The following ASAP1 variants were observed in gnomAD, a reference collection of about 807,000 sequenced individuals.
ASAP1 encodes ArfGAP with SH3 domain, ankyrin repeat and PH domain 1.
ASAP1 carries 43 observed loss-of-function variants against 145.2 expected under a neutral mutation model. That is an observed-to-expected ratio of 0.30 (90% CI 0.23 to 0.38). The LOEUF (loss-of-function observed/expected upper bound fraction) is 0.38. Among genes scored for constraint, ASAP1 ranks in the 10% least tolerant of loss-of-function variants. ASAP1 has a pLI of 1.00. For missense variants in ASAP1, 1,018 were observed against 1,355.3 expected, an observed-to-expected ratio of 0.75 and a Z score of 3.91; for synonymous variants, 546 against 515.5, an observed-to-expected ratio of 1.06 and a Z score of -0.80.
rs59778799 is a variant in ASAP1 at position 130,101,732 on chromosome 8, A to ATTTTTTTTTTTTTTTTTTTTTTTTTTTT, written c.2402-9590_2402-9589insAAAAAAAAAAAAAAAAAAAAAAAAAAAA. ...AGGCATGTGCTACCACACCTGGTTA[A>ATTTTTTTTTTTTTTTTTTTTTTTTTTTT]TTTTTTTTTTTTTTTTTTTTGCAGA... On this transcript the variant is annotated intron_variant, in intron 24 of 29. Coordinates refer to ENST00000518721, the MANE Select transcript of ASAP1 (RefSeq NM_018482.4). Among the ~76,000 whole-genome samples the ATTTTTTTTTTTTTTTTTTTTTTTTTTTT allele has an allele frequency of 1.8e-4, 16 of 86,924 alleles. 1 individual carries two copies. Among genetic ancestry groups the ATTTTTTTTTTTTTTTTTTTTTTTTTTTT allele is most frequent in the African/African-American group, 6.1e-4 (11 of 18,090 alleles). The allele number at this position is 86,924 out of a possible 152,430, so 57.0% of individuals were successfully genotyped here.
chr8:130,354,187 GC>G (rs771460206), intron 3 of ASAP1, among the ~76,000 whole-genome samples: 1 of 152,140 alleles, frequency 6.6e-6, no homozygotes, highest in Non-Finnish European at 1.5e-5. Context: ...ACCGCGCCCA[GC>G]CGGGAGGGAG....
At chr8:130,094,597 T>C (rs1443933830) in intron 24 of ASAP1, among the ~76,000 whole-genome samples, 2 of 152,134 alleles carry the variant, frequency 1.3e-5, no homozygotes, top group Non-Finnish European at 2.9e-5. Flanking sequence ...GGTCAGGTAG[T>C]ATTGTCCCCA....
rs1166588483 is a variant in ASAP1 at position 130,397,906 on chromosome 8, G to T, written c.59+3979C>A. 2.0e-5 allele frequency among the ~76,000 whole-genome samples: 3 copies of T among 152,324 alleles called. No individual in the cohort carries two copies. The East Asian group carries it at 5.8e-4, about 29-fold the overall frequency. On this transcript the variant is annotated intron_variant, in intron 2 of 29. Transcript: ENST00000518721. Reference sequence around the variant, plus strand: ...TAGATAAGAAGCCCCATGAGGGCAGGGTCATGTCTACAGCATGGACCTTTG... The same window carrying T: ...TAGATAAGAAGCCCCATGAGGGCAGTGTCATGTCTACAGCATGGACCTTTG...
chr8:130,071,011 G>GGGGAGAGAGAGAGAGA (rs2097444917), intron 27 of ASAP1, among the ~76,000 whole-genome samples: 1 of 11,436 alleles, frequency 8.7e-5, no homozygotes, highest in African/African-American at 4.5e-4. Context: ...GGGGAGGGGG[G>GGGGAGAGAGAGAGAGA]GAGAGAGAGA....
chr8:130,361,854 C>T (rs757467433), intron 2 of ASAP1: 39 of 962,704 alleles, frequency 4.1e-5, no homozygotes, highest in Non-Finnish European at 5.9e-5. Context: ...ATACACCATC[C>T]TCCCCAAAGC....
chr8:130,123,927 CAAAA>C (rs34680836), intron 18 of ASAP1, 82 bp downstream of exon 18: 24 of 855,308 alleles, frequency 2.8e-5, no homozygotes, highest in Middle Eastern at 3.6e-4. Flanking sequence ...TGCACCCAGC[CAAAA>C]AAAAAAAAAG....
intron 13 of ASAP1, among the ~76,000 whole-genome samples, chr8:130,142,145 G>T (rs1379616976): frequency 2.0e-5 from 3 of 152,188 alleles, no homozygotes; most frequent in Non-Finnish European, 4.4e-5. Context: ...GCACAGAAAG[G>T]TTAAGTAACA....
At chr8:130,112,454 A>C (rs2097548456) in intron 23 of ASAP1, 132 bp from the exon 24 acceptor site, 3 of 661,686 alleles carry the variant, frequency 4.5e-6, no homozygotes, top group Admixed American at 5.8e-5. Context: ...GGTCAGCCAC[A>C]ATGAGCCTCA....
chr8:130,061,622 C>A (rs905584351), intron 27 of ASAP1, among the ~76,000 whole-genome samples: 95 of 152,228 alleles, frequency 6.2e-4, no homozygotes, highest in African/African-American at 2.0e-3. Context: ...AGTATATAAG[C>A]GAGGTAGCAA....
chr8:130,155,221 T>G (rs1179216755), intron 12 of ASAP1, among the ~76,000 whole-genome samples: 2 of 152,144 alleles, frequency 1.3e-5, no homozygotes, highest in African/African-American at 2.4e-5. Context: ...ACACCCCTTC[T>G]CTTCTGCTGC....
chr8:130,106,093 T>C (rs2097536420), intron 24 of ASAP1, among the ~76,000 whole-genome samples: 1 of 152,084 alleles, frequency 6.6e-6, no homozygotes, highest in Non-Finnish European at 1.5e-5. Flanking sequence ...AAATCACAGA[T>C]GATACTCTGG....
At chr8:130,093,666 CAAAAAA>C (rs71572317) in intron 24 of ASAP1, among the ~76,000 whole-genome samples, 8 of 52,206 alleles carry the variant, frequency 1.5e-4, no homozygotes, top group Admixed American at 1.1e-3. Flanking sequence ...GACTCCGTCT[CAAAAAA>C]AAAAAAAAAA....
At chr8:130,326,920 A>G (rs912651915) in intron 3 of ASAP1, among the ~76,000 whole-genome samples, 1 of 152,138 alleles carries the variant, frequency 6.6e-6, no homozygotes, top group Non-Finnish European at 1.5e-5. Context: ...AGCCTTTCAG[A>G]TTCTGGCACA....
At chr8:130,322,345 CCTTCT>C (rs1275991686) in intron 3 of ASAP1, among the ~76,000 whole-genome samples, 3 of 151,984 alleles carry the variant, frequency 2.0e-5, no homozygotes, top group African/African-American at 7.3e-5. Flanking sequence ...AAACATGATT[CCTTCT>C]CTTAGATGCA....
chr8:130,376,476 C>A (rs575151111), intron 2 of ASAP1, among the ~76,000 whole-genome samples: 9 of 152,134 alleles, frequency 5.9e-5, no homozygotes, highest in Non-Finnish European at 5.9e-5. Context: ...GCCTGTAATC[C>A]CAACACTTTG....
At chr8:130,344,429 C>T (rs1009159124) in intron 3 of ASAP1, among the ~76,000 whole-genome samples, 1 of 151,072 alleles carries the variant, frequency 6.6e-6, no homozygotes, top group African/African-American at 2.4e-5. Context: ...GAAGTATTTA[C>T]GGATGAAATG....
At chr8:130,424,018 T>A (rs536797679) in intron 1 of ASAP1, among the ~76,000 whole-genome samples, 1 of 152,190 alleles carries the variant, frequency 6.6e-6, no homozygotes, top group Non-Finnish European at 1.5e-5. Flanking sequence ...ACTCTGAATA[T>A]ATTAAAAACC....
chr8:130,099,754 C>G, intron 24 of ASAP1, among the ~76,000 whole-genome samples: 1 of 145,602 alleles, frequency 6.9e-6, no homozygotes. Flanking sequence ...ATGATCTCAG[C>G]TCACTGCAAC....
intron 1 of ASAP1, among the ~76,000 whole-genome samples, chr8:130,439,508 G>A (rs1045102649): frequency 1.3e-5 from 2 of 151,890 alleles, no homozygotes; most frequent in Admixed American, 6.6e-5. Flanking sequence ...AACATTTGTC[G>A]AATTTACCCT....
Sources: allele counts gnomAD v4.1 joint callset (sites outside exome capture counted in the v4.1 genomes callset), GRCh38; gene constraint gnomAD v4.1.1; transcripts MANE v1.5; gene names NCBI Gene and HGNC (gene_info 2026-07-23, HGNC 2026-07-21).